The following NCK2 variants were observed in gnomAD, a reference collection of about 807,000 sequenced individuals.
The protein encoded by NCK2 is NCK adaptor protein 2.
Under a neutral mutation model 33.9 loss-of-function variants are expected in NCK2, and 16 were observed. The observed-to-expected ratio is 0.47, with a 90% CI of 0.32 to 0.72. The LOEUF is 0.72. Among genes scored for constraint, NCK2 ranks in the 30% least tolerant of loss-of-function variants. The pLI is 0.03. For missense variants in NCK2, 418 were observed against 537.3 expected (o/e 0.78, Z 2.19); for synonymous variants, 273 against 239.9 (o/e 1.14, Z -1.27).
At chr2:105,834,906 G>A (rs1184124540) in intron 2 of NCK2, among the ~76,000 whole-genome samples, 3 of 151,900 alleles carry the variant, frequency 2.0e-5, no homozygotes, top group Non-Finnish European at 4.4e-5. Context: ...TTGAACTCCT[G>A]GGCTCAAGCA....
chr2:105,844,537 T>G (rs2104558067), intron 2 of NCK2, among the ~76,000 whole-genome samples: 1 of 148,430 alleles, frequency 6.7e-6, no homozygotes, highest in East Asian at 2.0e-4. Flanking sequence ...CTGGCCAACA[T>G]GATGAAACCC....
intron 1 of NCK2, among the ~76,000 whole-genome samples, chr2:105,767,770 G>C (rs903262194): frequency 6.6e-6 from 1 of 152,172 alleles, no homozygotes; most frequent in African/African-American, 2.4e-5. Context: ...TGAGGTTTCC[G>C]TGCCCGCACC....
chr2:105,769,375 G>A (rs1290805848), intron 1 of NCK2, among the ~76,000 whole-genome samples: 2 of 150,994 alleles, frequency 1.3e-5, no homozygotes, highest in African/African-American at 4.9e-5. Flanking sequence ...TTCTACCCTG[G>A]GTCTGACGAA....
intron 2 of NCK2, among the ~76,000 whole-genome samples, chr2:105,840,086 G>A (rs965319150): frequency 6.6e-6 from 1 of 152,162 alleles, no homozygotes; most frequent in African/African-American, 2.4e-5. Flanking sequence ...GGCAAGAGGA[G>A]ACAGCTTCTG....
intron 3 of NCK2, among the ~76,000 whole-genome samples, chr2:105,858,591 C>T (rs1267958388): frequency 6.6e-6 from 1 of 152,146 alleles, no homozygotes; most frequent in African/African-American, 2.4e-5. Flanking sequence ...AATAAAATGG[C>T]ACCGGCCTCC....
intron 3 of NCK2, among the ~76,000 whole-genome samples, chr2:105,867,228 G>A (rs1468926934): frequency 6.6e-6 from 1 of 152,146 alleles, no homozygotes; most frequent in Non-Finnish European, 1.5e-5. Flanking sequence ...GGACTCTGTG[G>A]GTTTTCAGAG....
chr2:105,818,392 C>T (rs987840410), intron 2 of NCK2, among the ~76,000 whole-genome samples: 19 of 151,454 alleles, frequency 1.3e-4, no homozygotes, highest in South Asian at 2.1e-4. Flanking sequence ...CAAACCTGCA[C>T]GTTTTGCACA....
chr2:105,832,529 T>G (rs1573174196), intron 2 of NCK2, among the ~76,000 whole-genome samples: 1 of 152,244 alleles, frequency 6.6e-6, no homozygotes, highest in Non-Finnish European at 1.5e-5. Flanking sequence ...TTTATCAAAA[T>G]GGTTTTCTAC....
rs368248740 is a variant in NCK2, at chr2:105,792,623, C to T, written c.-200-23807C>T. On this transcript the variant is annotated intron_variant, in intron 1 of 4. Coordinates refer to ENST00000233154, the MANE Select transcript of NCK2 (RefSeq NM_003581.5). ...CGTTTGTTTTTTTTTTTCCACCTTC[C>T]CCATGCCAGTTGATTTGTTGGCAAA... is the stretch of plus-strand genomic sequence containing the variant. 2.0e-5 allele frequency among the ~76,000 whole-genome samples: 3 copies of T among 151,990 alleles called. No homozygotes were observed. In the East Asian group the frequency reaches 5.8e-4, roughly 29 times the overall value.
In NCK2 at chr2:105,848,302, C is replaced by G. The variant is rs908762000; in HGVS notation, c.-16-6746C>G. Among the ~76,000 whole-genome samples the G allele has an allele frequency of 2.0e-5, 3 of 152,204 alleles. No homozygotes were observed. In the South Asian group the frequency reaches 6.2e-4, roughly 31 times the overall value. On this transcript the variant is annotated intron_variant, in intron 2 of 4. Transcript: ENST00000233154. ...GATGGTTGATATGAAGCTGGCTTTT[C>G]AAACCCTGGCTTTCTGCAGCTGAAG...
chr2:105,820,093 G>C (rs1675667448), intron 2 of NCK2, among the ~76,000 whole-genome samples: 1 of 152,204 alleles, frequency 6.6e-6, no homozygotes, highest in Non-Finnish European at 1.5e-5. Flanking sequence ...AAAGCCAGGA[G>C]ATGTTACGTT....
At chr2:105,875,385 TG>T (rs772626341) in intron 3 of NCK2, among the ~76,000 whole-genome samples, 4 of 152,244 alleles carry the variant, frequency 2.6e-5, no homozygotes, top group Non-Finnish European at 4.4e-5. Flanking sequence ...TCCCCTGGGC[TG>T]TACACACATG....
intron 1 of NCK2, among the ~76,000 whole-genome samples, chr2:105,775,207 G>C (rs994784644): frequency 6.6e-6 from 1 of 152,170 alleles, no homozygotes; most frequent in Non-Finnish European, 1.5e-5. Context: ...TTTGCACTGT[G>C]TGTGGCATGT....
chr2:105,873,539 G>A (rs1678107790), intron 3 of NCK2, among the ~76,000 whole-genome samples: 1 of 152,066 alleles, frequency 6.6e-6, no homozygotes, highest in Non-Finnish European at 1.5e-5. Flanking sequence ...CAAAACCCTT[G>A]GTCACTGTGT....
rs913986120 is a variant in NCK2, at chr2:105,875,237, T to C, written c.227-6091T>C. ...ACTGGCCTGGGAGACCTCAGGCAAATGCTCAGCCTCTCCAAGCCTCTGTCA... is the reference window on the plus strand; with the variant it reads ...ACTGGCCTGGGAGACCTCAGGCAAACGCTCAGCCTCTCCAAGCCTCTGTCA... On this transcript the variant is annotated intron_variant, in intron 3 of 4. Coordinates refer to ENST00000233154, the MANE Select transcript of NCK2 (RefSeq NM_003581.5). Among the ~76,000 whole-genome samples the C allele has an allele frequency of 3.3e-5, 5 of 152,148 alleles. No individual in the cohort carries two copies. The East Asian group carries it at 9.6e-4, about 29-fold the overall frequency.
At chr2:105,807,361 T>A (rs1675087849) in intron 1 of NCK2, among the ~76,000 whole-genome samples, 1 of 152,242 alleles carries the variant, frequency 6.6e-6, no homozygotes, top group African/African-American at 2.4e-5. Flanking sequence ...TTTGATTAAT[T>A]CTGGGCTATG....
chr2:105,863,880 G>A (rs181453563), intron 3 of NCK2, among the ~76,000 whole-genome samples: 4 of 152,244 alleles, frequency 2.6e-5, no homozygotes, highest in East Asian at 1.9e-4. Context: ...TCTGTATAAC[G>A]GGATACGTGA....
chr2:105,893,362 A>C lies in NCK2; in HGVS notation c.*186A>C. 1 of 569,490 alleles carries C rather than the reference A, an allele frequency of 1.8e-6. No homozygotes were observed. Among genetic ancestry groups the C allele is most frequent in the Non-Finnish European group, 3.1e-6 (1 of 325,724 alleles). 35.3% of individuals were successfully genotyped at this position (569,490 alleles called of 1,614,324 possible). Reference sequence around the variant, plus strand: ...AGGCCTCACACCCACACTCGAGCCCACCCGGCCGGCCAGCTTTAGAGGAGG... The same window carrying C: ...AGGCCTCACACCCACACTCGAGCCCCCCCGGCCGGCCAGCTTTAGAGGAGG... On this transcript the variant is annotated 3_prime_UTR_variant, in exon 5 of 5. Transcript: ENST00000233154.
At chr2:105,746,775 T>G (rs1003132757) in intron 1 of NCK2, among the ~76,000 whole-genome samples, 1 of 152,232 alleles carries the variant, frequency 6.6e-6, no homozygotes, top group Non-Finnish European at 1.5e-5. Context: ...CAGTATATTC[T>G]GCCCTGGAGG....
Sources: gnomAD v4.1 joint callset for allele counts (sites outside exome capture counted in the v4.1 genomes callset) on GRCh38, gnomAD v4.1.1 for gene constraint, MANE v1.5 for transcripts, NCBI Gene and HGNC (gene_info 2026-07-23, HGNC 2026-07-21) for gene names.